ECT2: variants seen among roughly 807,000 people sequenced by gnomAD.
ECT2 encodes the protein epithelial cell transforming 2.
ECT2 carries 61 observed loss-of-function variants against 116.9 expected under a neutral mutation model. The ratio of observed to expected loss-of-function variants is 0.52; its 90% CI spans 0.42 to 0.65. The LOEUF is 0.65. Among genes scored for constraint, ECT2 ranks in the 30% least tolerant of loss-of-function variants. The pLI is 0.00. For synonymous variants in ECT2, 358 were observed against 346.4 expected (o/e 1.03, Z -0.37); for missense variants, 937 against 1,078.7 (o/e 0.87, Z 1.84).
At chr3:172,772,199 A>G (rs1418415296) in intron 13 of ECT2, among the ~76,000 whole-genome samples, 1 of 149,694 alleles carries the variant, frequency 6.7e-6, no homozygotes, top group African/African-American at 2.5e-5. Context: ...ATGGGGTTTC[A>G]CCATGTTGGC....
At chr3:172,758,826 GT>G (rs909190768) in intron 5 of ECT2, among the ~76,000 whole-genome samples, 153 bp from the exon 6 acceptor site, 2 of 152,158 alleles carry the variant, frequency 1.3e-5, no homozygotes, top group African/African-American at 2.4e-5. Flanking sequence ...TCGTTTTGCT[GT>G]TTTTTTGTTG....
chr3:172,763,500 ATAAAACT>A (rs1347844188), intron 11 of ECT2, among the ~76,000 whole-genome samples: 1 of 152,248 alleles, frequency 6.6e-6, no homozygotes, highest in Non-Finnish European at 1.5e-5. Flanking sequence ...AGGCCAACAG[ATAAAACT>A]TAATGGATAG....
At chr3:172,789,217 T>A (rs1724178300) in intron 18 of ECT2, among the ~76,000 whole-genome samples, 1 of 107,040 alleles carries the variant, frequency 9.3e-6, no homozygotes, top group Non-Finnish European at 1.9e-5. Flanking sequence ...TCTCTCTTTT[T>A]TTGTTTTTTT....
At chr3:172,828,775 AC>A in the ECT2 span, 6 of 637,742 alleles carry the variant, frequency 9.4e-6, no homozygotes, top group South Asian at 1.7e-5. Flanking sequence ...AAACAGAAGA[AC>A]CCCCCATGGC....
At chr3:172,793,117 T>G (rs1407531792) in intron 18 of ECT2, among the ~76,000 whole-genome samples, 2 of 152,208 alleles carry the variant, frequency 1.3e-5, no homozygotes, top group African/African-American at 2.4e-5. Context: ...AGCTTCCACA[T>G]CCTTACCAAC....
chr3:172,760,243 A>G lies in ECT2; in HGVS notation c.664A>G (p.Thr222Ala), dbSNP rs1271083912. Reference protein sequence around the residue: ...SKVTHLVANCTQGEKFRVAVS... With the variant: ...SKVTHLVANCAQGEKFRVAVS... ...AGTTACACATTTGGTGGCAAATTGT[A>G]CACAAGGAGAAAAATTCAGGGTATG... is the stretch of plus-strand genomic sequence containing the variant. Residue 222 changes from threonine to alanine, a missense_variant, in exon 7 of 25, where the codon ACA (threonine) becomes GCA (alanine). Transcript: ENST00000392692. 14 of 1,610,384 alleles carry G rather than the reference A, an allele frequency of 8.7e-6. No homozygotes were observed. The Admixed American group carries it at 1.5e-4, about 17-fold the overall frequency.
rs772498894 is a variant in ECT2 at position 172,761,601 on chromosome 3, T to C, written c.685-9T>C. 1.9e-6 allele frequency: 3 copies of C among 1,593,674 alleles called. No individual in the cohort carries two copies. The highest frequency in any genetic ancestry group is 2.6e-6 in the Non-Finnish European group (3 of 1,162,674). On this transcript the variant is annotated splice_polypyrimidine_tract_variant and intron_variant, in intron 7 of 24. Coordinates refer to ENST00000392692, the MANE Select transcript of ECT2 (RefSeq NM_001258315.2). ...AGGAGAAAATTCACTGTAATGTTTATATTTTTAGGTTGCTGTGAGTCTAGG... is the reference window on the plus strand; with the variant it reads ...AGGAGAAAATTCACTGTAATGTTTACATTTTTAGGTTGCTGTGAGTCTAGG...
chr3:172,752,028 C>T (rs1414659483), intron 1 of ECT2: 2 of 152,228 alleles, frequency 1.3e-5, no homozygotes, highest in East Asian at 3.9e-4. Context: ...TTTCGATCAT[C>T]TGCTATGCTC....
intron 22 of ECT2, among the ~76,000 whole-genome samples, chr3:172,813,354 A>C (rs1358696433): frequency 1.3e-5 from 2 of 151,444 alleles, no homozygotes; most frequent in Non-Finnish European, 3.0e-5. Flanking sequence ...ATCACATTGT[A>C]AAAAAAAATT....
At chr3:172,797,398 G>A (rs1457447488) in intron 18 of ECT2, among the ~76,000 whole-genome samples, 2 of 152,184 alleles carry the variant, frequency 1.3e-5, no homozygotes, top group South Asian at 2.1e-4. Flanking sequence ...GTTACCTTTT[G>A]CTTTTTCCCC....
At chr3:172,762,313 G>T in intron 8 of ECT2, 103 bp from the exon 9 acceptor site, 1 of 1,232,188 alleles carries the variant, frequency 8.1e-7, no homozygotes, top group Non-Finnish European at 1.1e-6. Flanking sequence ...TCAATAGATA[G>T]ATTATGCCAA....
At chr3:172,774,139 C>A in intron 14 of ECT2, 117 bp downstream of exon 14, 2 of 870,378 alleles carry the variant, frequency 2.3e-6, no homozygotes, top group South Asian at 1.8e-5. Context: ...TTCTTATTCC[C>A]TTATTAGTTC....
chr3:172,754,278 A>G (rs1240700281), intron 1 of ECT2, among the ~76,000 whole-genome samples: 1 of 152,164 alleles, frequency 6.6e-6, no homozygotes, highest in Non-Finnish European at 1.5e-5. Context: ...GTAATGTTCT[A>G]TGTGCTTTTG....
At chr3:172,811,614 A>G (rs1006641380) in intron 22 of ECT2, among the ~76,000 whole-genome samples, 2 of 152,190 alleles carry the variant, frequency 1.3e-5, no homozygotes, top group East Asian at 1.9e-4. Flanking sequence ...ATAACAATAG[A>G]AAAAAATGAG....
intron 17 of ECT2, among the ~76,000 whole-genome samples, chr3:172,785,225 G>A (rs1194634741): frequency 6.6e-6 from 1 of 151,902 alleles, no homozygotes; most frequent in African/African-American, 2.4e-5. Context: ...ACCTTAGATT[G>A]TTCAGAATAC....
intron 21 of ECT2, chr3:172,806,180 T>C (rs899810147): frequency 5.5e-6 from 1 of 180,686 alleles, no homozygotes; most frequent in African/African-American, 2.4e-5. Context: ...CCAAAATTTA[T>C]TTTTTTGGTT....
chr3:172,762,384 AC>A (rs11313111), intron 8 of ECT2, 31 bp from the exon 9 acceptor site: 866,085 of 1,570,800 alleles, frequency 0.55, 247,410 homozygotes, highest in East Asian at 0.68. Flanking sequence ...TTTAAGTTAA[AC>A]TGGTTTTGGA....
At chr3:172,793,940 AT>A (rs1379330901) in intron 18 of ECT2, among the ~76,000 whole-genome samples, 1 of 152,048 alleles carries the variant, frequency 6.6e-6, no homozygotes, top group East Asian at 1.9e-4. Context: ...TGAAAAAAAA[AT>A]TGTGTTTTTT....
Position 172,815,635 on chromosome 3 carries a change from C to T in ECT2, c.2432C>T (p.Ser811Phe), listed in dbSNP as rs1336091183. 6.3e-7 allele frequency: 1 copy of T among 1,598,208 alleles called. No individual in the cohort carries two copies. Among genetic ancestry groups the T allele is most frequent in the Non-Finnish European group, 8.5e-7 (1 of 1,172,542 alleles). Residue 811 changes from serine (S) to phenylalanine (F), a missense_variant, in exon 23 of 25, where the codon TCC becomes TTC. Coordinates refer to ENST00000392692, the MANE Select transcript of ECT2 (RefSeq NM_001258315.2). ...ENLIYTADPE[S>F]FEVNTKDMDS... Reference sequence around the variant, plus strand: ...CTTATTTATACTGCTGATCCAGAATCCTTTGAAGTAAATACAAAAGATATG... The same window carrying T: ...CTTATTTATACTGCTGATCCAGAATTCTTTGAAGTAAATACAAAAGATATG...
Sources: gnomAD v4.1 joint callset for allele counts (sites outside exome capture counted in the v4.1 genomes callset) on GRCh38, gnomAD v4.1.1 for gene constraint, MANE v1.5 for transcripts, NCBI Gene and HGNC (gene_info 2026-07-23, HGNC 2026-07-21) for gene names.